The following SMARCA2 variants were observed in gnomAD, a reference collection of about 807,000 sequenced individuals.
SMARCA2 encodes SWI/SNF related BAF chromatin remodeling complex subunit ATPase 2, also known as SWI/SNF-related matrix-associated actin-dependent regulator of chromatin subfamily A member 2.
In SMARCA2, 61 loss-of-function variants were observed where a neutral mutation model predicts 199.8. That is an observed-to-expected ratio of 0.31 (90% CI 0.25 to 0.38). The LOEUF (loss-of-function observed/expected upper bound fraction) is 0.38, where lower values mean the gene tolerates loss of function less well. Among genes scored for constraint, SMARCA2 ranks in the 10% least tolerant of loss-of-function variants. The pLI, the probability that SMARCA2 is intolerant of heterozygous loss-of-function variation, is 1.00. For synonymous variants in SMARCA2, 935 were observed against 732.0 expected, an observed-to-expected ratio of 1.28 and a Z score of -4.48; for missense variants, 1,344 against 2,012.2, an observed-to-expected ratio of 0.67 and a Z score of 6.35.
intron 9 of SMARCA2, chr9:2,068,912 C>T (rs939470070): frequency 6.6e-6 from 1 of 151,850 alleles, no homozygotes; most frequent in Non-Finnish European, 1.5e-5. Flanking sequence ...CAAGATATGA[C>T]ATAACCTTTT....
At chr9:2,106,893 T>C (rs899001746) in intron 23 of SMARCA2, among the ~76,000 whole-genome samples, 7 of 152,246 alleles carry the variant, frequency 4.6e-5, no homozygotes, top group Admixed American at 4.6e-4. Flanking sequence ...TCTGACAGTG[T>C]GTTCCTTCTG....
At chr9:2,136,003 G>A (rs149624791) in intron 27 of SMARCA2, among the ~76,000 whole-genome samples, 1,779 of 151,470 alleles carry the variant, frequency 0.012, 38 homozygotes, top group African/African-American at 0.041. Flanking sequence ...CACCACGCCC[G>A]GCTAATTTTT....
At chr9:2,168,826 A>G (rs1284232991) in intron 28 of SMARCA2, among the ~76,000 whole-genome samples, 1 of 152,136 alleles carries the variant, frequency 6.6e-6, no homozygotes, top group Non-Finnish European at 1.5e-5. Context: ...ATGATTTGAA[A>G]TTATTCTGCT....
At chr9:2,149,068 T>C (rs577742868) in intron 27 of SMARCA2, among the ~76,000 whole-genome samples, 2 of 151,208 alleles carry the variant, frequency 1.3e-5, no homozygotes, top group African/African-American at 4.9e-5. Context: ...TAGTCTGTTT[T>C]CACACTGCTG....
At chr9:2,176,182 G>GTTTTTTTTGT (rs1826578795) in intron 29 of SMARCA2, among the ~76,000 whole-genome samples, 1 of 104,160 alleles carries the variant, frequency 9.6e-6, no homozygotes. Flanking sequence ...CGCCCGGCCT[G>GTTTTTTTTGT]TTTTTTTTTT....
intron 27 of SMARCA2, among the ~76,000 whole-genome samples, chr9:2,152,113 A>G (rs1825109116): frequency 6.6e-6 from 1 of 152,322 alleles, no homozygotes; most frequent in African/African-American, 2.4e-5. Flanking sequence ...TGAATGTTAA[A>G]TAGTCTGATG....
intron 23 of SMARCA2, among the ~76,000 whole-genome samples, chr9:2,108,311 T>A (rs548096189): frequency 6.6e-6 from 1 of 152,314 alleles, no homozygotes; most frequent in African/African-American, 2.4e-5. Flanking sequence ...AAGGTCAAGT[T>A]TGAGCATTCA....
chr9:2,023,302 A>G (rs1818685003), intron 1 of SMARCA2, among the ~76,000 whole-genome samples: 1 of 152,198 alleles, frequency 6.6e-6, no homozygotes. Flanking sequence ...AAGGCAGTTT[A>G]TTTAAAGTGA....
Position 2,088,569 on chromosome 9 carries a change from C to T in SMARCA2, c.2839C>T (p.Leu947=). The part of the protein sequence containing the change: ...RLHKVLRPFL[L]RRLKKEVESQ... ...ACATAAGGTGTTAAGACCATTTTTA[C>T]TAAGGAGACTGAAGAAAGAAGTTGA... The change falls in exon 19 of 34, where the codon CTA becomes TTA. Residue 947 remains leucine (L), a synonymous_variant. Transcript: ENST00000349721. 6.3e-7 allele frequency: 1 copy of T among 1,596,862 alleles called. No homozygotes were observed. Among genetic ancestry groups the T allele is most frequent in the Non-Finnish European group, 8.5e-7 (1 of 1,175,800 alleles).
chr9:2,093,079 A>G (rs1427761778), intron 19 of SMARCA2, among the ~76,000 whole-genome samples: 1 of 152,218 alleles, frequency 6.6e-6, no homozygotes, highest in East Asian at 1.9e-4. Flanking sequence ...TGGGAGGCAC[A>G]ATATACCAGA....
intron 21 of SMARCA2, among the ~76,000 whole-genome samples, chr9:2,100,850 A>G (rs554474076): frequency 6.6e-6 from 1 of 152,314 alleles, no homozygotes; most frequent in Non-Finnish European, 1.5e-5. Context: ...AGACTGGGTA[A>G]TTTGTAAGGA....
At chr9:2,184,015 A>C (rs1329137318) in intron 31 of SMARCA2, among the ~76,000 whole-genome samples, 3 of 152,148 alleles carry the variant, frequency 2.0e-5, no homozygotes, top group Non-Finnish European at 4.4e-5. Context: ...CCATCTGGAC[A>C]CTAATTTGTC....
chr9:2,100,997 G>A (rs1822487724), intron 21 of SMARCA2, among the ~76,000 whole-genome samples: 1 of 152,066 alleles, frequency 6.6e-6, no homozygotes, highest in Non-Finnish European at 1.5e-5. Flanking sequence ...CCCTTACAAA[G>A]CCACGAGATC....
Position 2,086,603 on chromosome 9 carries a change from C to T in SMARCA2, c.2527-226C>T, listed in dbSNP as rs1322011297. 6.6e-6 allele frequency among the ~76,000 whole-genome samples: 1 copy of T among 152,174 alleles called. No homozygotes were observed. Among genetic ancestry groups the T allele is most frequent in the Admixed American group, 6.5e-5 (1 of 15,280 alleles). On this transcript the variant is annotated intron_variant, in intron 17 of 33. Transcript: ENST00000349721. This position sits in a 1 kb window ranked among gnomAD's most constrained non-coding sequence, Gnocchi z 4.3. ...TTTGTAAAAAGTTGATTTGGAATTACGTGGTCTGTAAGGAACATTGTTCCT... is the reference window on the plus strand; with the variant it reads ...TTTGTAAAAAGTTGATTTGGAATTATGTGGTCTGTAAGGAACATTGTTCCT...
intron 14 of SMARCA2, among the ~76,000 whole-genome samples, chr9:2,078,869 C>T (rs1821440538): frequency 6.6e-6 from 1 of 152,010 alleles, no homozygotes; most frequent in Non-Finnish European, 1.5e-5. Flanking sequence ...GGCGTGAACC[C>T]AGGAGGCGGA....
rs1202220858 is a variant in SMARCA2 at position 2,119,582 on chromosome 9, CCT to C, written c.3762+48_3762+49del. The C allele has an allele frequency of 1.5e-6, 2 of 1,302,114 alleles. No individual in the cohort carries two copies. Among genetic ancestry groups the C allele is most frequent in the African/African-American group, 2.9e-5 (2 of 68,840 alleles). The allele number at this position is 1,302,114 out of a possible 1,614,324, so 80.7% of individuals were successfully genotyped here. ...AACACAAATGCTTTATACCTCTGCC[CCT>C]TTTTCTGTTAAGCAGAATGTCTGCA... On this transcript the variant is annotated intron_variant, in intron 26 of 33. Coordinates refer to ENST00000349721, the MANE Select transcript of SMARCA2 (RefSeq NM_003070.5). This position sits in a 1 kb window ranked among gnomAD's most constrained non-coding sequence, Gnocchi z 4.6.
At chr9:2,048,909 ATGTTAC>A (rs932839149) in intron 5 of SMARCA2, among the ~76,000 whole-genome samples, 1 of 152,198 alleles carries the variant, frequency 6.6e-6, no homozygotes, top group Non-Finnish European at 1.5e-5. Flanking sequence ...TACATTCTGT[ATGTTAC>A]TGTTGAGTTT....
chr9:2,101,468 T>C (rs1822511469), intron 21 of SMARCA2, 102 bp from the exon 22 acceptor site: 1 of 586,248 alleles, frequency 1.7e-6, no homozygotes, highest in Admixed American at 3.6e-5. Flanking sequence ...AATTATTTTG[T>C]TTTAACTATA....
intron 9 of SMARCA2, among the ~76,000 whole-genome samples, chr9:2,069,423 G>A (rs1199925194): frequency 6.6e-6 from 1 of 151,710 alleles, no homozygotes; most frequent in South Asian, 2.1e-4. Context: ...GCCGGGCGTG[G>A]TGGCGGTCGC....
Sources: gnomAD v4.1 joint callset for allele counts (sites outside exome capture counted in the v4.1 genomes callset) on GRCh38, gnomAD v4.1.1 for gene constraint, Gnocchi (gnomAD v3.1) non-coding constraint, MANE v1.5 for transcripts, NCBI Gene and HGNC (gene_info 2026-07-23, HGNC 2026-07-21) for gene names.